KATNBL1: variants seen among roughly 807,000 people sequenced by gnomAD.
The protein encoded by KATNBL1 is katanin regulatory subunit B1 like 1, also known as KATNB1-like protein 1.
Under a neutral mutation model 44.7 loss-of-function variants are expected in KATNBL1, and 28 were observed. The ratio of observed to expected loss-of-function variants is 0.63; its 90% confidence interval spans 0.46 to 0.86. The LOEUF is 0.86. Ranked by LOEUF, KATNBL1 falls within the 40% of genes least tolerant of loss-of-function variation. The probability of loss-of-function intolerance (pLI) is 0.00; values close to 1 mark genes in which losing one functional copy is unlikely to be tolerated. For missense variants in KATNBL1, 272 were observed against 350.7 expected, an observed-to-expected ratio of 0.78 and a Z score of 1.79; for synonymous variants, 78 against 114.9, an observed-to-expected ratio of 0.68 and a Z score of 2.06.
chr15:34,198,323 C>G (rs1890079569), intron 1 of KATNBL1: 2 of 152,130 alleles, frequency 1.3e-5, no homozygotes, highest in Non-Finnish European at 2.9e-5. Context: ...CACCATCATC[C>G]CATAGTTTCT....
chr15:34,151,239 C>T (rs1308137706), intron 4 of KATNBL1, among the ~76,000 whole-genome samples: 1 of 152,016 alleles, frequency 6.6e-6, no homozygotes, highest in Non-Finnish European at 1.5e-5. Context: ...CACAACCTTG[C>T]CAGAATCTAT....
At chr15:34,197,230 T>C (rs558268516) in intron 1 of KATNBL1, among the ~76,000 whole-genome samples, 1 of 152,332 alleles carries the variant, frequency 6.6e-6, no homozygotes, top group East Asian at 1.9e-4. Context: ...TAATGTGAAG[T>C]TGTATTTTTC....
chr15:34,180,810 C>A (rs559043095), intron 1 of KATNBL1, among the ~76,000 whole-genome samples: 4 of 152,210 alleles, frequency 2.6e-5, no homozygotes, highest in Admixed American at 2.0e-4. Flanking sequence ...CACCTGTAAT[C>A]CCAGCACTTT....
intron 4 of KATNBL1, among the ~76,000 whole-genome samples, chr15:34,149,972 G>A (rs1888419295): frequency 6.6e-6 from 1 of 152,168 alleles, no homozygotes; most frequent in African/African-American, 2.4e-5. Context: ...CTGATGAGTG[G>A]ACATCCTGAT....
At chr15:34,194,168 C>T (rs553048650) in intron 1 of KATNBL1, among the ~76,000 whole-genome samples, 3 of 152,298 alleles carry the variant, frequency 2.0e-5, no homozygotes, top group Admixed American at 2.0e-4. Context: ...TCTCGAACTC[C>T]TGTCCTCATG....
At chr15:34,171,750 G>A (rs1331667104) in intron 1 of KATNBL1, among the ~76,000 whole-genome samples, 2 of 152,056 alleles carry the variant, frequency 1.3e-5, no homozygotes, top group South Asian at 2.1e-4. Context: ...GGAATACTAC[G>A]CAGCCATAAA....
At chr15:34,157,874 T>C (rs187220904) in intron 2 of KATNBL1, among the ~76,000 whole-genome samples, 2 of 152,332 alleles carry the variant, frequency 1.3e-5, no homozygotes, top group African/African-American at 4.8e-5. Context: ...TGAGTTCCAT[T>C]ATCTGAATCA....
At chr15:34,165,736 G>A (rs750598464) in intron 1 of KATNBL1, among the ~76,000 whole-genome samples, 8 of 152,166 alleles carry the variant, frequency 5.3e-5, no homozygotes, top group Non-Finnish European at 1.2e-4. Context: ...TGAGGTTGCA[G>A]TGAGCCAAGA....
intron 9 of KATNBL1, among the ~76,000 whole-genome samples, chr15:34,143,793 CAAAAA>C (rs560420668): frequency 1.6e-5 from 1 of 64,178 alleles, no homozygotes; most frequent in Non-Finnish European, 2.9e-5. Context: ...ACTAAAAATA[CAAAAA>C]AAAAAAAAAA....
chr15:34,154,541 GTTAA>G, intron 3 of KATNBL1, 99 bp downstream of exon 3: 1 of 759,702 alleles, frequency 1.3e-6, no homozygotes, highest in African/African-American at 1.8e-5. Flanking sequence ...TTGACAATAA[GTTAA>G]TTATTATTAT....
chr15:34,205,639 T>C (rs1408439679), intron 1 of KATNBL1, among the ~76,000 whole-genome samples: 1 of 152,230 alleles, frequency 6.6e-6, no homozygotes, highest in Non-Finnish European at 1.5e-5. Flanking sequence ...TGATGGGTTG[T>C]ACTCTGGTTG....
intron 1 of KATNBL1, among the ~76,000 whole-genome samples, chr15:34,185,742 A>C (rs1889698166): frequency 6.6e-6 from 1 of 152,180 alleles, no homozygotes; most frequent in Non-Finnish European, 1.5e-5. Flanking sequence ...TCCCTGACCA[A>C]CTAAAATCAG....
chr15:34,192,359 G>A (rs894487977), intron 1 of KATNBL1, among the ~76,000 whole-genome samples: 1 of 150,452 alleles, frequency 6.6e-6, no homozygotes, highest in Non-Finnish European at 1.5e-5. Flanking sequence ...AGCAGAGATG[G>A]CGCCACTGCA....
At chr15:34,194,455 G>GA (rs951544580) in intron 1 of KATNBL1, among the ~76,000 whole-genome samples, 12 of 151,018 alleles carry the variant, frequency 7.9e-5, no homozygotes, top group Admixed American at 4.6e-4. Flanking sequence ...TAAAAAATAA[G>GA]AAAAAAAAAC....
chr15:34,187,025 G>A (rs915637883), intron 1 of KATNBL1, among the ~76,000 whole-genome samples: 11 of 152,338 alleles, frequency 7.2e-5, no homozygotes, highest in African/African-American at 1.4e-4. Context: ...ACAGCAGGGC[G>A]GAGGATGCCA....
chr15:34,177,949 T>A (rs1889385499), intron 1 of KATNBL1: 1 of 152,154 alleles, frequency 6.6e-6, no homozygotes, highest in Admixed American at 6.6e-5. Context: ...TGGCAAAGGG[T>A]ATGTGTAGTT....
At chr15:34,199,380 T>C (rs547157526) in intron 1 of KATNBL1, among the ~76,000 whole-genome samples, 3 of 152,294 alleles carry the variant, frequency 2.0e-5, no homozygotes, top group South Asian at 4.1e-4. Flanking sequence ...GAGGTTGCAA[T>C]GAGCCTAGAC....
At chr15:34,173,902 A>C (rs140835321) in intron 1 of KATNBL1, among the ~76,000 whole-genome samples, 1 of 152,246 alleles carries the variant, frequency 6.6e-6, no homozygotes, top group East Asian at 1.9e-4. Context: ...AAGAAAATTA[A>C]GAGAATTTGT....
intron 1 of KATNBL1, among the ~76,000 whole-genome samples, chr15:34,203,210 T>C (rs1301593363): frequency 6.6e-6 from 1 of 152,168 alleles, no homozygotes; most frequent in Non-Finnish European, 1.5e-5. Context: ...CTCCTTCCAA[T>C]TTCTCAAGCC....
Sources: gnomAD v4.1 joint callset for allele counts (sites outside exome capture counted in the v4.1 genomes callset) on GRCh38, gnomAD v4.1.1 for gene constraint, MANE v1.5 for transcripts, NCBI Gene and HGNC (gene_info 2026-07-23, HGNC 2026-07-21) for gene names.